ADD1: variants seen among roughly 807,000 people sequenced by gnomAD.
ADD1 encodes adducin 1.
A neutral mutation model predicts 80.5 loss-of-function variants in ADD1; 24 were observed. The ratio of observed to expected loss-of-function variants is 0.30; its 90% confidence interval spans 0.22 to 0.42. ADD1 has a LOEUF of 0.42. Ranked by LOEUF, ADD1 falls within the 10% of genes least tolerant of loss-of-function variation. The pLI, the probability that ADD1 is intolerant of heterozygous loss-of-function variation, is 1.00. For missense variants in ADD1, 948 were observed against 1,019.0 expected, an observed-to-expected ratio of 0.93 and a Z score of 0.95; for synonymous variants, 373 against 393.8, an observed-to-expected ratio of 0.95 and a Z score of 0.63.
chr4:2,922,502 C>A (rs1352625218), intron 14 of ADD1, among the ~76,000 whole-genome samples: 1 of 152,236 alleles, frequency 6.6e-6, no homozygotes, highest in South Asian at 2.1e-4. Flanking sequence ...CCTGTTCCTT[C>A]CTCTGGAAGT....
chr4:2,850,264 C>A (rs1236304360), intron 1 of ADD1, among the ~76,000 whole-genome samples: 1 of 152,176 alleles, frequency 6.6e-6, no homozygotes, highest in Non-Finnish European at 1.5e-5. Flanking sequence ...ATAGGCAAAT[C>A]TTTTTGTTTT....
Position 2,884,503 on chromosome 4 carries a change from T to C in ADD1, c.359-12T>C. The C allele has an allele frequency of 6.3e-7, 1 of 1,589,494 alleles. No homozygotes were observed. The highest frequency in any genetic ancestry group is 8.6e-7 in the Non-Finnish European group (1 of 1,163,474). Reference sequence around the variant, plus strand: ...ACTGCACCTGGCTGAGTTTTGTTTTTCTTTATTTCAGGTCTTGGTATGGTG... The same window carrying C: ...ACTGCACCTGGCTGAGTTTTGTTTTCCTTTATTTCAGGTCTTGGTATGGTG... On this transcript the variant is annotated splice_polypyrimidine_tract_variant and intron_variant, in intron 3 of 15. Coordinates refer to ENST00000683351, the MANE Select transcript of ADD1 (RefSeq NM_001354761.2).
rs375445417 is a variant in ADD1 at position 2,926,161 on chromosome 4, G to A, written c.2047+49G>A. ...GCCACTGTGGGAGGGTGCACGGCTC[G>A]TGCGCGCTGTGGCGGAATGTGGCGG... On this transcript the variant is annotated intron_variant, in intron 15 of 15. Coordinates refer to ENST00000683351, the MANE Select transcript of ADD1 (RefSeq NM_001354761.2). The surrounding 1 kb of genome is among the most constrained non-coding windows in gnomAD (Gnocchi z 5.0). 3.0e-5 allele frequency: 45 copies of A among 1,513,756 alleles called. No homozygotes were observed. The highest frequency in any genetic ancestry group is 1.9e-4 in the Admixed American group (11 of 59,336). The allele number at this position is 1,513,756 out of a possible 1,614,324, so 93.8% of individuals were successfully genotyped here. A position where few individuals can be genotyped will look rare whatever the true frequency, so the allele number is the denominator to read the frequency against.
At chr4:2,855,238 C>G (rs1310211270) in intron 1 of ADD1, among the ~76,000 whole-genome samples, 1 of 152,190 alleles carries the variant, frequency 6.6e-6, no homozygotes. Context: ...GGGACCGTTA[C>G]TCAGCTTACT....
intron 2 of ADD1, among the ~76,000 whole-genome samples, chr4:2,876,996 T>C (rs1327085811): frequency 5.8e-5 from 7 of 120,958 alleles, no homozygotes; most frequent in South Asian, 2.4e-4. Context: ...AGCGAGACTC[T>C]GTCTCAAAAA....
At chr4:2,849,955 C>G (rs1011943944) in intron 1 of ADD1, among the ~76,000 whole-genome samples, 1 of 152,194 alleles carries the variant, frequency 6.6e-6, no homozygotes, top group Non-Finnish European at 1.5e-5. Flanking sequence ...GTTGTGAAAA[C>G]ACTTTGAGAA....
In ADD1 at chr4:2,908,897, C is replaced by G. The variant is rs35248769; in HGVS notation, c.1698+293C>G. The G allele has an allele frequency of 4.1e-3, 1,979 of 487,072 alleles. 30 individuals carry two copies. The highest frequency in any genetic ancestry group is 0.034 in the African/African-American group (1,767 of 51,426). The allele number at this position is 487,072 out of a possible 1,614,324, so 30.2% of individuals were successfully genotyped here. On this transcript the variant is annotated intron_variant, in intron 12 of 15. Transcript: ENST00000683351. ...TTGGGGCTCAGATTCGGCCCGGGTT[C>G]AGCAGCGTTCTGTGTAAGGCGCTAG...
intron 8 of ADD1, chr4:2,899,024 A>G (rs1206329278): frequency 1.2e-5 from 6 of 519,296 alleles, no homozygotes; most frequent in Non-Finnish European, 2.0e-5. Context: ...TAGGATCCTG[A>G]AAGGTGCTGT....
chr4:2,913,266 G>A (rs146879611), intron 13 of ADD1, among the ~76,000 whole-genome samples: 2 of 152,220 alleles, frequency 1.3e-5, no homozygotes, highest in Non-Finnish European at 2.9e-5. Flanking sequence ...CAGGATGCAG[G>A]TGCAGCCAGC....
chr4:2,916,062 A>G lies in ADD1; in HGVS notation c.1948+1022A>G, dbSNP rs74806884. Among the ~76,000 whole-genome samples the G allele has an allele frequency of 9.1e-4, 138 of 152,288 alleles. 3 individuals carry two copies. In the East Asian group the frequency reaches 0.025, roughly 28 times the overall value. The stretch of plus-strand genomic sequence containing the variant: ...CCCACAGAACTCTGGGCTGGAGGGC[A>G]TTGGTCCTTCTCCCAGGGAGGTTTC... On this transcript the variant is annotated intron_variant, in intron 14 of 15. Coordinates refer to ENST00000683351, the MANE Select transcript of ADD1 (RefSeq NM_001354761.2).
At chr4:2,871,508 A>G (rs991855788) in intron 1 of ADD1, among the ~76,000 whole-genome samples, 1 of 152,256 alleles carries the variant, frequency 6.6e-6, no homozygotes, top group Admixed American at 6.5e-5. Context: ...TCTTAGTAGT[A>G]TCAGTCTGAA....
intron 1 of ADD1, among the ~76,000 whole-genome samples, chr4:2,867,709 A>T (rs1365220633): frequency 1.3e-5 from 2 of 152,192 alleles, no homozygotes; most frequent in African/African-American, 4.8e-5. Context: ...AAGAGGACCC[A>T]CTTGAGTAGG....
intron 1 of ADD1, among the ~76,000 whole-genome samples, chr4:2,875,655 TCTC>T (rs1463967907): frequency 1.3e-5 from 2 of 152,216 alleles, no homozygotes; most frequent in Non-Finnish European, 1.5e-5. Context: ...GTTGTCTTGT[TCTC>T]CTCTTTGGAA....
chr4:2,876,159 A>G (rs754901928), intron 2 of ADD1, 49 bp downstream of exon 2: 85 of 1,557,120 alleles, frequency 5.5e-5, no homozygotes, highest in Non-Finnish European at 7.1e-5. Context: ...TTCCTTTTCT[A>G]ATACTTCAGG....
At chr4:2,922,034 C>T (rs1397634610) in intron 14 of ADD1, among the ~76,000 whole-genome samples, 1 of 151,882 alleles carries the variant, frequency 6.6e-6, no homozygotes, top group Non-Finnish European at 1.5e-5. Context: ...GGCAATTCCT[C>T]TAATCTTTTT....
rs561773818 is a variant in ADD1 at position 2,915,147 on chromosome 4, T to C, written c.1948+107T>C. 25 of 1,244,054 alleles carry C rather than the reference T, an allele frequency of 2.0e-5. No homozygotes were observed. The East Asian group carries it at 5.5e-4, about 27-fold the overall frequency. The allele number at this position is 1,244,054 out of a possible 1,614,324, so 77.1% of individuals were successfully genotyped here. On this transcript the variant is annotated intron_variant, in intron 14 of 15. Transcript: ENST00000683351. ...GTGGGTGGTGATAAGAATAGTCACATGCATCAAAGACAAACCAGAACTTTA... is the reference window on the plus strand; with the variant it reads ...GTGGGTGGTGATAAGAATAGTCACACGCATCAAAGACAAACCAGAACTTTA...
At position 2,908,533 on chromosome 4, in the gene ADD1, C is replaced by T; in HGVS notation, c.1627C>T (p.Gln543Ter). 6.2e-7 allele frequency: 1 copy of T among 1,614,206 alleles called. No homozygotes were observed. The highest frequency in any genetic ancestry group is 8.5e-7 in the Non-Finnish European group (1 of 1,180,012). Reference protein sequence around the residue: ...MRNKIREQNLQDIKTAGPQSQ... With the variant: ...MRNKIREQNL Reference sequence around the variant, plus strand: ...CCCTCAGATCCGAGAGCAGAATTTACAGGACATTAAGACGGCTGGCCCTCA... The same window carrying T: ...CCCTCAGATCCGAGAGCAGAATTTATAGGACATTAAGACGGCTGGCCCTCA... Residue 543 changes from glutamine to a stop codon, truncating the protein, a stop_gained, in exon 12 of 16, where the codon CAG becomes TAG. Transcript: ENST00000683351. LOFTEE classifies it high-confidence loss of function.
chr4:2,896,837 C>T (rs1228921406), intron 6 of ADD1, among the ~76,000 whole-genome samples: 2 of 152,262 alleles, frequency 1.3e-5, no homozygotes, highest in African/African-American at 2.4e-5. Context: ...TGGCTCACTG[C>T]AACTTGCATC....
chr4:2,867,280 A>G (rs1281838988), intron 1 of ADD1, among the ~76,000 whole-genome samples: 7 of 152,164 alleles, frequency 4.6e-5, no homozygotes, highest in Admixed American at 3.3e-4. Flanking sequence ...GGTTTGGGAA[A>G]AATTAGGTCT....
Sources: gnomAD v4.1 joint callset for allele counts (sites outside exome capture counted in the v4.1 genomes callset) on GRCh38, gnomAD v4.1.1 for gene constraint, Gnocchi (gnomAD v3.1) non-coding constraint, MANE v1.5 for transcripts, NCBI Gene and HGNC (gene_info 2026-07-23, HGNC 2026-07-21) for gene names.